Variants in RIGI observed in about 807,000 individuals in gnomAD.
The protein encoded by RIGI is antiviral innate immune response receptor RIG-I.
the RIGI span, among the ~76,000 whole-genome samples, chr9:32,507,251 T>A: frequency 2.0e-5 from 3 of 152,210 alleles, no homozygotes; most frequent in Non-Finnish European, 2.9e-5. Flanking sequence ...TCATAAAAGT[T>A]ATGCTTTGGG....
At chr9:32,492,198 A>C in the RIGI span, among the ~76,000 whole-genome samples, 222 of 152,254 alleles carry the variant, frequency 1.5e-3, 1 homozygote, top group African/African-American at 5.1e-3. Flanking sequence ...GTCCATTTTT[A>C]GGGGTTATAT....
chr9:32,463,889 C>CTTTTTTTTTTTTTTTTTTTTT, the RIGI span, among the ~76,000 whole-genome samples: 48 of 135,830 alleles, frequency 3.5e-4, 3 homozygotes, highest in Non-Finnish European at 5.6e-4. Flanking sequence ...ATTCTGATTT[C>CTTTTTTTTTTTTTTTTTTTTT]AAATAAACCT....
chr9:32,487,766 G>A, the RIGI span: 1 of 1,226,612 alleles, frequency 8.2e-7, no homozygotes, highest in Non-Finnish European at 1.1e-6. Context: ...GGCACATGGA[G>A]GCACATAATG....
the RIGI span, among the ~76,000 whole-genome samples, chr9:32,478,858 CTTAAT>C: frequency 6.6e-6 from 1 of 152,132 alleles, no homozygotes; most frequent in Non-Finnish European, 1.5e-5. Flanking sequence ...CCATGCCCGG[CTTAAT>C]TTATGTTGAG....
At chr9:32,489,234 C>T in the RIGI span, 4 of 668,398 alleles carry the variant, frequency 6.0e-6, no homozygotes, top group African/African-American at 3.7e-5. Context: ...TCTCAAAAGA[C>T]ACATGGAACA....
chr9:32,472,351 T>A, the RIGI span, among the ~76,000 whole-genome samples: 1 of 152,210 alleles, frequency 6.6e-6, no homozygotes, highest in Non-Finnish European at 1.5e-5. Context: ...GGAGGCAATG[T>A]CTACAAGGAA....
At chr9:32,459,579 A>T in the RIGI span, 4 of 1,489,610 alleles carry the variant, frequency 2.7e-6, no homozygotes, top group Non-Finnish European at 2.7e-6. Flanking sequence ...AAACAGGCAC[A>T]GATACGTACA....
chr9:32,458,130 A>G, the RIGI span, among the ~76,000 whole-genome samples: 1 of 152,148 alleles, frequency 6.6e-6, no homozygotes, highest in Non-Finnish European at 1.5e-5. Flanking sequence ...ATCCTGAAGT[A>G]ATAACTCCTC....
chr9:32,476,837 G>T, the RIGI span: 1 of 672,126 alleles, frequency 1.5e-6, no homozygotes, highest in Non-Finnish European at 2.4e-6. Context: ...GCCCAGGCAG[G>T]TCTTGAACTC....
the RIGI span, chr9:32,481,270 C>T: frequency 1.4e-6 from 2 of 1,472,984 alleles, no homozygotes; most frequent in Non-Finnish European, 1.8e-6. Context: ...TTGATGTTAT[C>T]TTGGCTTCCA....
the RIGI span, chr9:32,491,538 C>T: frequency 4.2e-6 from 3 of 716,688 alleles, no homozygotes; most frequent in Non-Finnish European, 6.6e-6. Flanking sequence ...AAATTTCTCA[C>T]AACCACTCCC....
the RIGI span, among the ~76,000 whole-genome samples, chr9:32,464,460 G>A: frequency 6.6e-6 from 1 of 152,090 alleles, no homozygotes; most frequent in Non-Finnish European, 1.5e-5. Flanking sequence ...CGCGATCTCG[G>A]CTCACTGCAA....
At chr9:32,490,379 A>G in the RIGI span, among the ~76,000 whole-genome samples, 1 of 152,162 alleles carries the variant, frequency 6.6e-6, no homozygotes, top group African/African-American at 2.4e-5. Flanking sequence ...TCAAAAAACA[A>G]TAACAACAAC....
At chr9:32,494,703 G>T in the RIGI span, among the ~76,000 whole-genome samples, 1 of 151,762 alleles carries the variant, frequency 6.6e-6, no homozygotes, top group Admixed American at 6.6e-5. Context: ...CCTGCTCCTG[G>T]TAACCACCAC....
At chr9:32,504,263 G>A in the RIGI span, among the ~76,000 whole-genome samples, 1 of 152,114 alleles carries the variant, frequency 6.6e-6, no homozygotes, top group Non-Finnish European at 1.5e-5. Context: ...GGCACGGGGG[G>A]AATGTGGATA....
chr9:32,504,853 C>G, the RIGI span, among the ~76,000 whole-genome samples: 1 of 125,154 alleles, frequency 8.0e-6, no homozygotes, highest in Non-Finnish European at 1.7e-5. Context: ...ATATTTAATA[C>G]ATAAAATATA....
At chr9:32,476,962 A>G in the RIGI span, 72 of 1,601,886 alleles carry the variant, frequency 4.5e-5, no homozygotes, top group Middle Eastern at 1.3e-3. Context: ...TTTGTTATCT[A>G]CAAGGAGAAA....
At chr9:32,477,261 G>T in the RIGI span, 2 of 1,017,936 alleles carry the variant, frequency 2.0e-6, no homozygotes, top group Non-Finnish European at 2.8e-6. Context: ...AGTAAGTACT[G>T]TTTTAAATTG....
At chr9:32,497,418 G>GT in the RIGI span, among the ~76,000 whole-genome samples, 207 of 152,288 alleles carry the variant, frequency 1.4e-3, no homozygotes, top group African/African-American at 4.8e-3. Context: ...AGTTCTAATA[G>GT]TTTTTTCTAA....
Sources: gnomAD v4.1 joint callset for allele counts (sites outside exome capture counted in the v4.1 genomes callset) on GRCh38, gnomAD v4.1.1 for gene constraint, MANE v1.5 for transcripts, NCBI Gene and HGNC (gene_info 2026-07-23, HGNC 2026-07-21) for gene names.